CCDC62: variants seen among roughly 807,000 people sequenced by gnomAD.
CCDC62 encodes the protein coiled-coil domain containing 62, also known as coiled-coil domain-containing protein 62.
In CCDC62, 72 loss-of-function variants were observed where a neutral mutation model predicts 80.8. The observed-to-expected ratio is 0.89, with a 90% CI of 0.74 to 1.08. The LOEUF is 1.08. Ranked by LOEUF, CCDC62 falls within the 50% of genes least tolerant of loss-of-function variation. CCDC62 has a pLI of 0.00. For missense variants in CCDC62, 704 were observed against 809.4 expected (o/e 0.87, Z 1.58); for synonymous variants, 286 against 296.5 (o/e 0.96, Z 0.36).
In CCDC62 at chr12:122,774,651, C is replaced by A; in HGVS notation, c.-20C>A. The A allele has an allele frequency of 1.6e-6, 2 of 1,247,952 alleles. No individual in the cohort carries two copies. Among genetic ancestry groups the A allele is most frequent in the East Asian group, 3.1e-5 (1 of 31,844 alleles). The allele number at this position is 1,247,952 out of a possible 1,614,324, so 77.3% of individuals were successfully genotyped here. On this transcript the variant is annotated 5_prime_UTR_variant, in exon 1 of 13. Transcript: ENST00000253079. Reference sequence around the variant, plus strand: ...TGACGCCGCCCACACCGGGCTTCTCCGGGGGCGGAGGAAACACCTATGAAC... The same window carrying A: ...TGACGCCGCCCACACCGGGCTTCTCAGGGGGCGGAGGAAACACCTATGAAC...
chr12:122,809,725 A>C (rs1429416986), intron 10 of CCDC62, among the ~76,000 whole-genome samples: 1 of 152,250 alleles, frequency 6.6e-6, no homozygotes, highest in East Asian at 1.9e-4. Context: ...ATCCTAAGCC[A>C]AAAGAACAAA....
In CCDC62 at chr12:122,791,781, A is replaced by G. The variant is rs776341894; in HGVS notation, c.671-239A>G. ...ATTTTTAAAAGATTGCTCTGTGTAC[A>G]CTGGGCTGTCACAGGAGAGGCAAGG... is the stretch of plus-strand genomic sequence containing the variant. On this transcript the variant is annotated intron_variant, in intron 5 of 12. Transcript: ENST00000253079. Among the ~76,000 whole-genome samples the G allele has an allele frequency of 3.2e-4, 48 of 152,196 alleles. 1 individual carries two copies. The highest frequency in any genetic ancestry group is 5.9e-5 in the Non-Finnish European group (4 of 68,038).
chr12:122,818,519 G>A (rs1342647191), intron 11 of CCDC62, among the ~76,000 whole-genome samples: 1 of 151,948 alleles, frequency 6.6e-6, no homozygotes, highest in Non-Finnish European at 1.5e-5. Flanking sequence ...GGGTACTTGG[G>A]AGGTTGAGGG....
chr12:122,799,742 C>T (rs769823791), intron 8 of CCDC62, among the ~76,000 whole-genome samples: 6 of 152,156 alleles, frequency 3.9e-5, no homozygotes, highest in Non-Finnish European at 8.8e-5. Context: ...GTTGCAGCAG[C>T]GACTTTCCCT....
At chr12:122,795,245 T>G (rs1280005136) in intron 6 of CCDC62, among the ~76,000 whole-genome samples, 1 of 151,088 alleles carries the variant, frequency 6.6e-6, no homozygotes, top group Admixed American at 6.6e-5. Context: ...GAGACGTGGT[T>G]TCATTGTGTT....
At chr12:122,774,975 TC>T (rs893319652) in intron 1 of CCDC62, among the ~76,000 whole-genome samples, 4 of 147,766 alleles carry the variant, frequency 2.7e-5, no homozygotes, top group African/African-American at 1.0e-4. Context: ...GCGCCTGTAA[TC>T]CCAGCTACTC....
intron 5 of CCDC62, among the ~76,000 whole-genome samples, chr12:122,789,715 G>A (rs1268634706): frequency 2.0e-5 from 3 of 152,160 alleles, no homozygotes; most frequent in East Asian, 1.9e-4. Flanking sequence ...ATCTACAGGC[G>A]TGAGCCAACA....
At chr12:122,778,286 G>A (rs955918102) in intron 2 of CCDC62, among the ~76,000 whole-genome samples, 7 of 151,472 alleles carry the variant, frequency 4.6e-5, no homozygotes, top group Admixed American at 1.3e-4. Context: ...CCCAGGAGGC[G>A]GAGGTTGCAG....
rs2135559835 is a variant in CCDC62, at chr12:122,801,374, C to T, written c.1228C>T (p.Pro410Ser). 6.2e-7 allele frequency: 1 copy of T among 1,614,116 alleles called. No homozygotes were observed. The highest frequency in any genetic ancestry group is 8.5e-7 in the Non-Finnish European group (1 of 1,180,006). The change falls in exon 9 of 13, where the codon CCT (proline) becomes TCT (serine). Residue 410 changes from proline to serine, a missense_variant. Transcript: ENST00000253079. ...AGACTTAGTAGAGAAACACAACCTC[C>T]CTTGGTCTCTGGGAGGAAAAACCCA... is the stretch of plus-strand genomic sequence containing the variant. ...TKDLVEKHNLPWSLGGKTQIE... is the reference protein window; with the variant it reads ...TKDLVEKHNLSWSLGGKTQIE...
chr12:122,813,420 GTATGCGTTTCATTTTCTCTTGACTATA>G lies in CCDC62; in HGVS notation c.2001+3_2001+29del. On this transcript the variant is annotated splice_donor_variant and splice_donor_5th_base_variant and intron_variant, in intron 11 of 12. Coordinates refer to ENST00000253079, the MANE Select transcript of CCDC62 (RefSeq NM_201435.5). LOFTEE classifies it high-confidence loss of function. ...GAATCTCACTGGCAGTGCCACAAAT[GTATGCGTTTCATTTTCTCTTGACTATA>G]TTTGTCACATCCAAACACACCACTG... is the stretch of plus-strand genomic sequence containing the variant. 6.2e-7 allele frequency: 1 copy of G among 1,610,086 alleles called. No individual in the cohort carries two copies. Among genetic ancestry groups the G allele is most frequent in the Non-Finnish European group, 8.5e-7 (1 of 1,178,880 alleles).
intron 11 of CCDC62, among the ~76,000 whole-genome samples, chr12:122,818,660 C>T (rs183603745): frequency 0.014 from 2,054 of 151,204 alleles, 41 homozygotes; most frequent in African/African-American, 0.047. Context: ...CAGTGACTCA[C>T]ACCTGTAATC....
intron 11 of CCDC62, among the ~76,000 whole-genome samples, chr12:122,816,785 A>C (rs914379231): frequency 2.0e-5 from 3 of 149,644 alleles, no homozygotes; most frequent in Non-Finnish European, 1.5e-5. Context: ...TCACCCTTCT[A>C]AAGTGTACAA....
At chr12:122,824,623 A>G (rs1180496717) in intron 12 of CCDC62, among the ~76,000 whole-genome samples, 3 of 139,298 alleles carry the variant, frequency 2.2e-5, no homozygotes, top group Non-Finnish European at 4.7e-5. Context: ...ATAAAGAACT[A>G]AAAGTAGAAC....
rs1275618820 is a variant in CCDC62, at chr12:122,781,159, C to T, written c.230-5C>T. 33 of 1,605,820 alleles carry T rather than the reference C, an allele frequency of 2.1e-5. No individual in the cohort carries two copies. Among genetic ancestry groups the T allele is most frequent in the Non-Finnish European group, 2.6e-5 (31 of 1,177,266 alleles). On this transcript the variant is annotated splice_polypyrimidine_tract_variant and splice_region_variant and intron_variant, in intron 2 of 12. Coordinates refer to ENST00000253079, the MANE Select transcript of CCDC62 (RefSeq NM_201435.5). ...GACTACAAATTATTGATGAACTTCCCTCAGGTGAACTACATAAAAGAACTG... is the reference window on the plus strand; with the variant it reads ...GACTACAAATTATTGATGAACTTCCTTCAGGTGAACTACATAAAAGAACTG...
chr12:122,794,694 T>C (rs976934387), intron 6 of CCDC62, among the ~76,000 whole-genome samples: 5 of 152,196 alleles, frequency 3.3e-5, no homozygotes, highest in Non-Finnish European at 5.9e-5. Context: ...TCTTGCTCTG[T>C]TGCCCAGCCT....
rs993855750 is a variant in CCDC62, at chr12:122,801,763, G to C, written c.1617G>C (p.Lys539Asn). The C allele has an allele frequency of 1.9e-6, 3 of 1,614,040 alleles. No homozygotes were observed. The highest frequency in any genetic ancestry group is 2.7e-5 in the African/African-American group (2 of 74,912). The part of the protein sequence containing the change: ...MSDVEWMSIF[K>N]PSKMQRIVRL... Reference sequence around the variant, plus strand: ...ACGTGGAGTGGATGAGTATTTTCAAGCCTTCCAAAATGCAGAGAATTGTCC... The same window carrying C: ...ACGTGGAGTGGATGAGTATTTTCAACCCTTCCAAAATGCAGAGAATTGTCC... Residue 539 changes from lysine (K) to asparagine (N), a missense_variant, in exon 9 of 13, where the codon AAG (lysine) becomes AAC (asparagine). Transcript: ENST00000253079.
intron 12 of CCDC62, among the ~76,000 whole-genome samples, chr12:122,824,271 C>G (rs1005441662): frequency 7.2e-5 from 11 of 151,856 alleles, no homozygotes; most frequent in African/African-American, 2.7e-4. Context: ...CAAAAATTAG[C>G]CAAGCATGGT....
rs763824248 is a variant in CCDC62, at chr12:122,777,650, T to C, written c.196T>C (p.Leu66=). 9 of 1,613,964 alleles carry C rather than the reference T, an allele frequency of 5.6e-6. No individual in the cohort carries two copies. The East Asian group carries it at 1.8e-4, about 32-fold the overall frequency. Residue 66 remains leucine, a synonymous_variant, in exon 2 of 13, where the codon TTG becomes CTG. Coordinates refer to ENST00000253079, the MANE Select transcript of CCDC62 (RefSeq NM_201435.5). ...LSWEEDRQKV[L]TLEERCSKLE... is the part of the protein sequence containing the mutation. ...ATGGGAAGAGGATCGGCAGAAAGTG[T>C]TGACACTGGAAGAACGTTGCAGCAA... is the stretch of plus-strand genomic sequence containing the variant.
intron 4 of CCDC62, among the ~76,000 whole-genome samples, chr12:122,787,582 T>G (rs996500317): frequency 3.3e-5 from 5 of 151,904 alleles, no homozygotes; most frequent in Admixed American, 2.6e-4. Flanking sequence ...AAACCTCATC[T>G]ATTTTTAAAA....
Sources: gnomAD v4.1 joint callset for allele counts (sites outside exome capture counted in the v4.1 genomes callset) on GRCh38, gnomAD v4.1.1 for gene constraint, MANE v1.5 for transcripts, NCBI Gene and HGNC (gene_info 2026-07-23, HGNC 2026-07-21) for gene names.